USP15: variants seen among roughly 807,000 people sequenced by gnomAD.
USP15 encodes ubiquitin carboxyl-terminal hydrolase 15.
USP15 carries 18 observed loss-of-function variants against 127.1 expected under a neutral mutation model. That is an observed-to-expected ratio of 0.14 (90% CI 0.10 to 0.21). The LOEUF (loss-of-function observed/expected upper bound fraction) is 0.21, where lower values mean the gene tolerates loss of function less well. USP15 is among the 10% of genes least tolerant of loss of function. The pLI is 1.00. For synonymous variants in USP15, 364 were observed against 393.7 expected (o/e 0.92, Z 0.89); for missense variants, 805 against 1,159.9 (o/e 0.69, Z 4.44).
At chr12:62,368,431 T>C (rs2066552363) in intron 8 of USP15, among the ~76,000 whole-genome samples, 1 of 152,186 alleles carries the variant, frequency 6.6e-6, no homozygotes, top group African/African-American at 2.4e-5. Context: ...CCACTATTAC[T>C]GTGTGAGAGT....
At chr12:62,358,425 A>C (rs1592661538) in intron 8 of USP15, among the ~76,000 whole-genome samples, 1 of 152,164 alleles carries the variant, frequency 6.6e-6, no homozygotes, top group Non-Finnish European at 1.5e-5. Flanking sequence ...ATAACAATAC[A>C]ACAGTTTGTC....
At chr12:62,273,388 C>T (rs138725599) in intron 1 of USP15, among the ~76,000 whole-genome samples, 13 of 151,946 alleles carry the variant, frequency 8.6e-5, no homozygotes, top group African/African-American at 2.9e-4. Context: ...ACAAAGGGAC[C>T]TTGGCTGTTT....
At chr12:62,338,681 T>G (rs1213052358) in intron 6 of USP15, among the ~76,000 whole-genome samples, 1 of 152,234 alleles carries the variant, frequency 6.6e-6, no homozygotes, top group East Asian at 1.9e-4. Flanking sequence ...TTCTGTTTTC[T>G]GCATATGGCT....
chr12:62,260,687 G>A (rs942769812), intron 1 of USP15, among the ~76,000 whole-genome samples, 184 bp downstream of exon 1: 1 of 152,130 alleles, frequency 6.6e-6, no homozygotes, highest in Non-Finnish European at 1.5e-5. Context: ...TGAGGGTCAG[G>A]GTTCTTGGCT....
chr12:62,384,662 C>A (rs1355408820), intron 11 of USP15, among the ~76,000 whole-genome samples: 2 of 150,840 alleles, frequency 1.3e-5, no homozygotes, highest in African/African-American at 4.9e-5. Flanking sequence ...TTACTAGTGG[C>A]TATTGGAAGT....
At chr12:62,353,018 A>G (rs1214152570) in intron 7 of USP15, among the ~76,000 whole-genome samples, 1 of 152,044 alleles carries the variant, frequency 6.6e-6, no homozygotes. Flanking sequence ...CATGAAAGGT[A>G]CTAGAGGCTA....
chr12:62,415,863 A>G lies in USP15; in HGVS notation c.*11488A>G, dbSNP rs2068141888. 1 of 152,148 alleles carries G rather than the reference A, an allele frequency of 6.6e-6. No individual in the cohort carries two copies. Among genetic ancestry groups the G allele is most frequent in the African/African-American group, 2.4e-5 (1 of 41,420 alleles). 9.4% of individuals were successfully genotyped at this position (152,148 alleles called of 1,614,324 possible). ...GTTTTGTGTCTTGATCATTATGAAA[A>G]ATGTGGCAGGTATTATTACTAATAA... On this transcript the variant is annotated 3_prime_UTR_variant, in exon 22 of 22. Transcript: ENST00000280377.
intron 2 of USP15, among the ~76,000 whole-genome samples, chr12:62,302,556 T>TA (rs1491515855): frequency 6.6e-6 from 1 of 152,106 alleles, no homozygotes; most frequent in African/African-American, 2.4e-5. Context: ...CTTAAAACAT[T>TA]ATGAGTTTTT....
chr12:62,274,644 C>A (rs1270352105), intron 1 of USP15, among the ~76,000 whole-genome samples: 1 of 151,064 alleles, frequency 6.6e-6, no homozygotes, highest in Non-Finnish European at 1.5e-5. Context: ...CCACCTCAAA[C>A]AAACAAACAG....
At chr12:62,359,986 G>T (rs2066264437) in intron 8 of USP15, among the ~76,000 whole-genome samples, 1 of 152,010 alleles carries the variant, frequency 6.6e-6, no homozygotes, top group Non-Finnish European at 1.5e-5. Flanking sequence ...TTTAAATTTT[G>T]CATTATTGGT....
At chr12:62,369,603 CA>C (rs1015259816) in intron 8 of USP15, among the ~76,000 whole-genome samples, 1 of 152,034 alleles carries the variant, frequency 6.6e-6, no homozygotes, top group African/African-American at 2.4e-5. Flanking sequence ...CTTAATGCCT[CA>C]ATTATATACC....
rs1310272103 is a variant in USP15 at position 62,407,444 on chromosome 12, A to G, written c.*3069A>G. The G allele has an allele frequency of 1.3e-5, 2 of 152,198 alleles. No individual in the cohort carries two copies. The highest frequency in any genetic ancestry group is 2.9e-5 in the Non-Finnish European group (2 of 68,024). The allele number at this position is 152,198 out of a possible 1,614,324, so 9.4% of individuals were successfully genotyped here. ...TTATTACACACTCACTGATTTCTTC[A>G]GTCTAAATAGAAAGACATCTTGAAG... On this transcript the variant is annotated 3_prime_UTR_variant, in exon 22 of 22. Transcript: ENST00000280377.
At position 62,350,384 on chromosome 12, in the gene USP15, C is replaced by T. The variant is rs187631930; in HGVS notation, c.770+1077C>T. ...GATCAGGAGGCATTGTAGACTAATA[C>T]GAATGGGCAGATTATCCAGGAAATA... On this transcript the variant is annotated intron_variant, in intron 7 of 21. Coordinates refer to ENST00000280377, the MANE Select transcript of USP15 (RefSeq NM_001252078.2). 7.2e-5 allele frequency among the ~76,000 whole-genome samples: 11 copies of T among 151,888 alleles called. 1 individual carries two copies. The highest frequency in any genetic ancestry group is 1.6e-4 in the Non-Finnish European group (11 of 67,980).
In USP15 at chr12:62,391,237, G is replaced by C. The variant is rs767879124; in HGVS notation, c.2041G>C (p.Glu681Gln). Residue 681 changes from glutamate (E) to glutamine (Q), a missense_variant, in exon 16 of 22, where the codon GAA (glutamate) becomes CAA (glutamine). Physicochemically the swap from Glu to Gln is conservative, Grantham distance 29. This residue lies in a region of USP15 where 225 missense variants were observed against 239.5 expected (regional missense o/e 0.94). Coordinates refer to ENST00000280377, the MANE Select transcript of USP15 (RefSeq NM_001252078.2). ...LPSENENSQS[E>Q]DSVGGDNDSE... is the part of the protein sequence containing the mutation. ...CTCAGAGAATGAAAACAGTCAGTCT[G>C]AAGATTCAGTTGGAGGAGATAATGA... 1 of 1,613,656 alleles carries C rather than the reference G, an allele frequency of 6.2e-7. No individual in the cohort carries two copies. Among genetic ancestry groups the C allele is most frequent in the South Asian group, 1.1e-5 (1 of 91,058 alleles).
At chr12:62,388,359 T>C (rs1355895127) in intron 11 of USP15, among the ~76,000 whole-genome samples, 7 of 152,122 alleles carry the variant, frequency 4.6e-5, no homozygotes, top group African/African-American at 1.4e-4. Flanking sequence ...TCTCGAACTT[T>C]CGGGCTTAAG....
At chr12:62,354,583 T>G (rs773833248) in intron 7 of USP15, among the ~76,000 whole-genome samples, 19 of 151,990 alleles carry the variant, frequency 1.3e-4, no homozygotes, top group Non-Finnish European at 2.5e-4. Flanking sequence ...TATTTTCTTC[T>G]TTCTAAAAAT....
At chr12:62,299,914 T>A (rs530331848) in intron 2 of USP15, among the ~76,000 whole-genome samples, 1 of 152,290 alleles carries the variant, frequency 6.6e-6, no homozygotes, top group African/African-American at 2.4e-5. Flanking sequence ...TCCCTAGTGA[T>A]TGATGATAAG....
intron 6 of USP15, among the ~76,000 whole-genome samples, chr12:62,340,176 G>A (rs1293465541): frequency 6.6e-6 from 1 of 152,150 alleles, no homozygotes; most frequent in Admixed American, 6.5e-5. Context: ...TTTGCATAGA[G>A]GTGTTTATAG....
intron 1 of USP15, 75 bp downstream of exon 1, chr12:62,260,578 C>T (rs1158473453): frequency 5.0e-6 from 7 of 1,412,312 alleles, no homozygotes; most frequent in Admixed American, 2.1e-5. Flanking sequence ...CGAGCTGGTT[C>T]TTTCGCTAGT....
Sources: gnomAD v4.1 joint callset for allele counts (sites outside exome capture counted in the v4.1 genomes callset) on GRCh38, gnomAD v4.1.1 for gene constraint, gnomAD v4.1.1 regional missense constraint, MANE v1.5 for transcripts, NCBI Gene and HGNC (gene_info 2026-07-23, HGNC 2026-07-21) for gene names.